Variants in PDE1C observed in about 807,000 individuals in gnomAD.
PDE1C encodes the protein dual specificity calcium/calmodulin-dependent 3',5'-cyclic nucleotide phosphodiesterase 1C.
A neutral mutation model predicts 93.1 loss-of-function variants in PDE1C; 62 were observed. That is an observed-to-expected ratio of 0.67 (90% CI 0.54 to 0.82). PDE1C has a LOEUF of 0.82. Ranked by LOEUF, PDE1C falls within the 40% of genes least tolerant of loss-of-function variation. PDE1C has a pLI of 0.00. For missense variants in PDE1C, 742 were observed against 884.6 expected, an observed-to-expected ratio of 0.84 and a Z score of 2.04; for synonymous variants, 325 against 310.1, an observed-to-expected ratio of 1.05 and a Z score of -0.50.
At chr7:32,206,727 C>T (rs989790266) in intron 2 of PDE1C, among the ~76,000 whole-genome samples, 2 of 152,246 alleles carry the variant, frequency 1.3e-5, no homozygotes, top group African/African-American at 2.4e-5. Context: ...CTAGCTCACC[C>T]TGCCCACTGC....
At chr7:32,369,209 A>T (rs566622877) in intron 1 of PDE1C, among the ~76,000 whole-genome samples, 2 of 152,194 alleles carry the variant, frequency 1.3e-5, no homozygotes, top group Non-Finnish European at 2.9e-5. Context: ...AAAACAACCT[A>T]CAGAATGGAA....
At chr7:32,323,222 T>C (rs1783333824) in intron 1 of PDE1C, among the ~76,000 whole-genome samples, 1 of 152,166 alleles carries the variant, frequency 6.6e-6, no homozygotes, top group South Asian at 2.1e-4. Context: ...TGCTCCAGAA[T>C]AGAAAAAGCC....
intron 1 of PDE1C, among the ~76,000 whole-genome samples, chr7:32,420,255 ATG>A (rs1241923643): frequency 2.5e-5 from 1 of 40,010 alleles, no homozygotes; most frequent in African/African-American, 7.9e-5. Flanking sequence ...ATATATATAC[ATG>A]TGTATATATA....
the PDE1C span, among the ~76,000 whole-genome samples, chr7:31,683,307 C>G: frequency 3.3e-5 from 5 of 152,122 alleles, no homozygotes; most frequent in Admixed American, 3.3e-4. Context: ...ACAATTATCT[C>G]AATTAAAATG....
chr7:31,714,243 C>T, the PDE1C span, among the ~76,000 whole-genome samples: 3 of 152,174 alleles, frequency 2.0e-5, no homozygotes, highest in African/African-American at 7.2e-5. Context: ...ATCTCTAGGG[C>T]AGGGGTAAAA....
At chr7:32,314,165 C>A (rs10951330) in intron 1 of PDE1C, among the ~76,000 whole-genome samples, 18,054 of 151,996 alleles carry the variant, frequency 0.12, 1,171 homozygotes, top group East Asian at 0.18. Flanking sequence ...AATATATCAA[C>A]AATTTTAATA....
At chr7:31,996,657 G>A (rs1339726133) in intron 2 of PDE1C, among the ~76,000 whole-genome samples, 1 of 152,212 alleles carries the variant, frequency 6.6e-6, no homozygotes, top group Admixed American at 6.5e-5. Flanking sequence ...TGAATGGAAG[G>A]ACAGGACATA....
chr7:32,029,030 A>AGGCCGGGCGCGGTGGCT (rs1789887914), intron 2 of PDE1C, among the ~76,000 whole-genome samples: 1 of 152,172 alleles, frequency 6.6e-6, no homozygotes, highest in East Asian at 1.9e-4. Flanking sequence ...TAAGGAGCTC[A>AGGCCGGGCGCGGTGGCT]AACAATTCAA....
intron 1 of PDE1C, among the ~76,000 whole-genome samples, chr7:32,352,039 C>T (rs1783961133): frequency 1.3e-4 from 1 of 7,504 alleles, no homozygotes; most frequent in Non-Finnish European, 2.5e-4. Flanking sequence ...GTGATGCCTC[C>T]AGCTTTGTTC....
At chr7:32,346,430 C>T (rs904840712) in intron 1 of PDE1C, among the ~76,000 whole-genome samples, 7 of 152,204 alleles carry the variant, frequency 4.6e-5, no homozygotes, top group African/African-American at 1.7e-4. Context: ...AGCTACAGCA[C>T]GTTGCTCCAG....
intron 1 of PDE1C, among the ~76,000 whole-genome samples, chr7:32,224,621 T>G (rs879757370): frequency 6.6e-6 from 1 of 151,960 alleles, no homozygotes; most frequent in African/African-American, 2.4e-5. Context: ...TAAGGTCTAT[T>G]TGTATTAAAG....
intron 2 of PDE1C, among the ~76,000 whole-genome samples, chr7:31,993,897 G>C (rs1482068953): frequency 6.6e-6 from 1 of 152,040 alleles, no homozygotes; most frequent in African/African-American, 2.4e-5. Flanking sequence ...AATAGCCCTG[G>C]GTTTTCCCTT....
At chr7:32,094,092 G>A (rs1797620620) in intron 3 of PDE1C, among the ~76,000 whole-genome samples, 1 of 152,222 alleles carries the variant, frequency 6.6e-6, no homozygotes, top group African/African-American at 2.4e-5. Flanking sequence ...GCATAGGTGT[G>A]CTGGTAAATG....
chr7:31,847,843 A>G, intron 9 of PDE1C, 125 bp downstream of exon 9: 1 of 993,408 alleles, frequency 1.0e-6, no homozygotes, highest in Non-Finnish European at 1.6e-6. Context: ...GAGAGAAAGA[A>G]AGAGAGAGAA....
chr7:32,010,768 T>C (rs895372706), intron 2 of PDE1C, among the ~76,000 whole-genome samples: 2 of 152,222 alleles, frequency 1.3e-5, no homozygotes, highest in African/African-American at 4.8e-5. Flanking sequence ...GATGGCTCTC[T>C]TTTCCCTGGG....
chr7:31,869,187 A>G (rs1027220441), intron 6 of PDE1C, among the ~76,000 whole-genome samples: 4 of 152,250 alleles, frequency 2.6e-5, no homozygotes, highest in Admixed American at 2.6e-4. Flanking sequence ...AACCACAATT[A>G]TAAATAATAA....
chr7:32,387,800 C>CG (rs1231111418), intron 1 of PDE1C, among the ~76,000 whole-genome samples: 1 of 141,108 alleles, frequency 7.1e-6, no homozygotes, highest in Non-Finnish European at 1.5e-5. Flanking sequence ...GCTGGCCGGG[C>CG]GGGGGGCTGA....
At chr7:31,886,107 G>A (rs1478877614) in intron 2 of PDE1C, among the ~76,000 whole-genome samples, 1 of 152,116 alleles carries the variant, frequency 6.6e-6, no homozygotes, top group Non-Finnish European at 1.5e-5. Flanking sequence ...ATCTTTTACA[G>A]TACTTTCTCT....
chr7:32,175,936 A>T (rs141664718), intron 2 of PDE1C, among the ~76,000 whole-genome samples: 8 of 152,312 alleles, frequency 5.3e-5, no homozygotes, highest in Non-Finnish European at 1.0e-4. Context: ...AAGTCTTGCC[A>T]TTTCACATCC....
Sources: gnomAD v4.1 joint callset for allele counts (sites outside exome capture counted in the v4.1 genomes callset) on GRCh38, gnomAD v4.1.1 for gene constraint, MANE v1.5 for transcripts, NCBI Gene and HGNC (gene_info 2026-07-23, HGNC 2026-07-21) for gene names.